CATSPER2: variants seen among roughly 807,000 people sequenced by gnomAD.
The protein encoded by CATSPER2 is cation channel sperm associated 2.
A neutral mutation model predicts 68.8 loss-of-function variants in CATSPER2; 56 were observed. The ratio of observed to expected loss-of-function variants is 0.81; its 90% CI spans 0.66 to 1.02. CATSPER2 has a LOEUF of 1.02. Among genes scored for constraint, CATSPER2 ranks in the 50% least tolerant of loss-of-function variants. CATSPER2 has a pLI of 0.00. For synonymous variants in CATSPER2, 198 were observed against 229.9 expected, an observed-to-expected ratio of 0.86 and a Z score of 1.26; for missense variants, 582 against 642.0, an observed-to-expected ratio of 0.91 and a Z score of 1.01.
intron 6 of CATSPER2, 38 bp downstream of exon 6, chr15:43,639,605 A>G: frequency 6.2e-7 from 1 of 1,610,876 alleles, no homozygotes; most frequent in Non-Finnish European, 8.5e-7. Context: ...ACATTTATCT[A>G]CCTTGCCCCC....
intron 4 of CATSPER2, among the ~76,000 whole-genome samples, chr15:43,643,354 CT>C (rs955447618): frequency 1.9e-4 from 28 of 146,548 alleles, no homozygotes; most frequent in Non-Finnish European, 2.0e-4. Flanking sequence ...TAATTTCTTT[CT>C]TTTTTTTTTT....
chr15:43,637,979 G>A (rs2085994330), intron 7 of CATSPER2, among the ~76,000 whole-genome samples: 1 of 149,432 alleles, frequency 6.7e-6, no homozygotes, highest in Non-Finnish European at 1.5e-5. Flanking sequence ...TGGAGATGGA[G>A]TTTCACTCTT....
chr15:43,648,193 TAGG>T (rs1024355371), intron 1 of CATSPER2, 130 bp from the exon 2 acceptor site: 1 of 1,087,330 alleles, frequency 9.2e-7, no homozygotes. Context: ...ATCTACGAAC[TAGG>T]AGCAGTTGGG....
intron 4 of CATSPER2, among the ~76,000 whole-genome samples, chr15:43,646,363 C>A (rs529527222): frequency 6.6e-6 from 1 of 151,388 alleles, no homozygotes; most frequent in African/African-American, 2.4e-5. Context: ...CACGATCAAG[C>A]GTCCTCCTGC....
intron 12 of CATSPER2, chr15:43,631,583 T>A: frequency 3.1e-6 from 1 of 318,356 alleles, no homozygotes; most frequent in South Asian, 2.9e-5. Context: ...CATAGAGTAA[T>A]GAAATTTAGG....
At chr15:43,637,621 T>C (rs1265195060) in intron 7 of CATSPER2, 4 of 151,974 alleles carry the variant, frequency 2.6e-5, no homozygotes, top group African/African-American at 7.3e-5. Flanking sequence ...TGATTAGTGG[T>C]TTAATATTTA....
In CATSPER2 at chr15:43,648,839, A is replaced by G. The variant is rs979543652; in HGVS notation, c.-213T>C. On this transcript the variant is annotated 5_prime_UTR_variant, in exon 1 of 13. Transcript: ENST00000396879. Reference sequence around the variant, plus strand: ...CTACCCACAGCCCAGGACCATGCGGAGCAACGCTCGCCCAGCCACTCGCCG... The same window carrying G: ...CTACCCACAGCCCAGGACCATGCGGGGCAACGCTCGCCCAGCCACTCGCCG... 13 of 1,529,278 alleles carry G rather than the reference A, an allele frequency of 8.5e-6. No homozygotes were observed. In the African/African-American group the frequency reaches 1.3e-4, roughly 15 times the overall value. The allele number at this position is 1,529,278 out of a possible 1,614,324, so 94.7% of individuals were successfully genotyped here.
chr15:43,637,775 G>A (rs1332358689), intron 7 of CATSPER2: 2 of 151,812 alleles, frequency 1.3e-5, no homozygotes, highest in Admixed American at 6.6e-5. Context: ...AGGAATAGGC[G>A]TGTGCATGTG....
At position 43,647,068 on chromosome 15, in the gene CATSPER2, T is replaced by C. The variant is rs1461370626; in HGVS notation, c.370A>G (p.Ile124Val). 3.1e-6 allele frequency: 5 copies of C among 1,612,556 alleles called. No homozygotes were observed. Among genetic ancestry groups the C allele is most frequent in the African/African-American group, 2.7e-5 (2 of 74,808 alleles). Reference protein sequence around the residue: ...IIFLVFLNTIILMVEIELLES... With the variant: ...IIFLVFLNTIVLMVEIELLES... The stretch of plus-strand genomic sequence containing the variant: ...TTCTCACCTATTTCAACCATCAATA[T>C]GATCGTATTCAAAAAGACCAGGAAG... The change falls in exon 4 of 13, where the codon ATA becomes GTA. Residue 124 changes from isoleucine to valine, a missense_variant. Ile to Val is a conservative substitution (Grantham distance 29, BLOSUM62 3). This residue lies in a region of CATSPER2 where 197 missense variants were observed against 191.0 expected (regional missense o/e 1.03). Transcript: ENST00000396879.
chr15:43,638,926 G>C lies in CATSPER2; in HGVS notation c.820C>G (p.Leu274Val), dbSNP rs1244286725. The part of the protein sequence containing the change: ...SEYTRSPRQD[L>V]EYHVFFSDLP... ...TACGAGAAGAACACATGGTACTCCA[G>C]GTCCTGACGAGGTGAACGGGTGTAC... Residue 274 changes from leucine to valine, a missense_variant, in exon 7 of 13, where the codon CTG becomes GTG. This residue lies in a region of CATSPER2 where 91 missense variants were observed against 72.8 expected (regional missense o/e 1.25). Coordinates refer to ENST00000396879, the MANE Select transcript of CATSPER2 (RefSeq NM_172095.4). 2.5e-6 allele frequency: 4 copies of C among 1,613,046 alleles called. No homozygotes were observed. Among genetic ancestry groups the C allele is most frequent in the Middle Eastern group, 3.3e-4 (2 of 6,056 alleles).
intron 3 of CATSPER2, 37 bp from the exon 4 acceptor site, chr15:43,647,155 T>C (rs1357116030): frequency 1.3e-6 from 2 of 1,590,568 alleles, no homozygotes; most frequent in African/African-American, 2.7e-5. Context: ...AGTGGAGTTC[T>C]TTCTGATTTA....
In CATSPER2 at chr15:43,647,510, A is replaced by C. The variant is rs1214915874; in HGVS notation, c.146-43T>G. 3 of 1,585,010 alleles carry C rather than the reference A, an allele frequency of 1.9e-6. No homozygotes were observed. The Admixed American group carries it at 5.0e-5, about 26-fold the overall frequency. ...AAGGGATAGTGGATAAATACAAACA[A>C]AATAGACCAGGTAGGGTTGGGGGCA... On this transcript the variant is annotated intron_variant, in intron 2 of 12. Coordinates refer to ENST00000396879, the MANE Select transcript of CATSPER2 (RefSeq NM_172095.4).
At chr15:43,639,326 C>T in intron 6 of CATSPER2, 1 of 454,060 alleles carries the variant, frequency 2.2e-6, no homozygotes. Flanking sequence ...CTCACTGCAA[C>T]TTCCGCCTCC....
At chr15:43,641,911 T>C (rs2086081481) in intron 4 of CATSPER2, among the ~76,000 whole-genome samples, 1 of 151,810 alleles carries the variant, frequency 6.6e-6, no homozygotes, top group African/African-American at 2.4e-5. Flanking sequence ...CTGCCCAGGT[T>C]GGCCTCAAAC....
intron 4 of CATSPER2, among the ~76,000 whole-genome samples, chr15:43,645,787 T>C (rs951969260): frequency 6.6e-6 from 1 of 151,894 alleles, no homozygotes; most frequent in African/African-American, 2.4e-5. Context: ...AGTGAGACTC[T>C]GTCTCTAAAA....
intron 12 of CATSPER2, chr15:43,631,592 G>T: frequency 6.6e-6 from 2 of 303,398 alleles, no homozygotes; most frequent in South Asian, 3.2e-5. Flanking sequence ...ATGAAATTTA[G>T]GAAAAATAAC....
rs1595985599 is a variant in CATSPER2 at position 43,647,377 on chromosome 15, T to C, written c.236A>G (p.His79Arg). 1 of 1,613,214 alleles carries C rather than the reference T, an allele frequency of 6.2e-7. No homozygotes were observed. The highest frequency in any genetic ancestry group is 1.3e-5 in the African/African-American group (1 of 74,974). Reference sequence around the variant, plus strand: ...AAGCCTGCTCAACAGCCTCTGGGCATGTGAAATCTGTTCTATACGCTGAGG... The same window carrying C: ...AAGCCTGCTCAACAGCCTCTGGGCACGTGAAATCTGTTCTATACGCTGAGG... ...IKPQRIEQIS[H>R]AQRLLSRLHV... Residue 79 changes from histidine to arginine, a missense_variant, in exon 3 of 13, where the codon CAT (histidine) becomes CGT (arginine). This residue lies in a region of CATSPER2 where 197 missense variants were observed against 191.0 expected (regional missense o/e 1.03). Transcript: ENST00000396879.
At chr15:43,642,016 C>T (rs937350944) in intron 4 of CATSPER2, among the ~76,000 whole-genome samples, 2 of 151,906 alleles carry the variant, frequency 1.3e-5, no homozygotes, top group African/African-American at 4.8e-5. Context: ...CTTATTTAGG[C>T]TCTGTACTTC....
chr15:43,638,992 A>C lies in CATSPER2; in HGVS notation c.754T>G (p.Phe252Val), dbSNP rs373885397. 13 of 1,612,888 alleles carry C rather than the reference A, an allele frequency of 8.1e-6. 1 individual carries two copies. In the African/African-American group the frequency reaches 1.5e-4, roughly 18 times the overall value. ...ACACCAGTCACAGCAAAAATGTAGA[A>C]GAAGATGAGCAGCAACATCAAGAGG... ...TFLLMLLLIF[F>V]YIFAVTGVYV... is the part of the protein sequence containing the mutation. Residue 252 changes from phenylalanine (F) to valine (V), a missense_variant, in exon 7 of 13, where the codon TTC becomes GTC. Coordinates refer to ENST00000396879, the MANE Select transcript of CATSPER2 (RefSeq NM_172095.4).
Sources: allele counts gnomAD v4.1 joint callset (sites outside exome capture counted in the v4.1 genomes callset), GRCh38; gene constraint gnomAD v4.1.1; regional missense constraint gnomAD v4.1.1; transcripts MANE v1.5; gene names NCBI Gene and HGNC (gene_info 2026-07-23, HGNC 2026-07-21).